Variants in ZNF891 observed in about 807,000 individuals in gnomAD.
ZNF891 encodes the protein zinc finger protein 891.
For missense variants in ZNF891, 589 were observed against 632.7 expected (o/e 0.93, Z 0.74); for synonymous variants, 199 against 209.0 (o/e 0.95, Z 0.41).
chr12:133,105,757 C>T lies in ZNF891; in HGVS notation c.*14527G>A. The T allele has an allele frequency of 1.2e-6, 2 of 1,614,140 alleles. No homozygotes were observed. Among genetic ancestry groups the T allele is most frequent in the Non-Finnish European group, 1.7e-6 (2 of 1,180,042 alleles). ...TGAATATCAGTACTGTGGAGAGGCC[C>T]TATGGATGCCATGAATGTGGAAAAA... is the stretch of plus-strand genomic sequence containing the variant. On this transcript the variant is annotated 3_prime_UTR_variant, in exon 2 of 2. Transcript: ENST00000537226.
At position 133,118,843 on chromosome 12, in the gene ZNF891, A is replaced by G. The variant is rs1175193142; in HGVS notation, c.*1441T>C. On this transcript the variant is annotated 3_prime_UTR_variant, in exon 2 of 2. Coordinates refer to ENST00000537226, the MANE Select transcript of ZNF891 (RefSeq NM_001277291.2). ...GTTCCTCTTCAAATGTGTACATCCA[A>G]CATAAAACATTTAACTGTATATACT... is the stretch of plus-strand genomic sequence containing the variant. 1.3e-5 allele frequency: 2 copies of G among 152,172 alleles called. No homozygotes were observed. The highest frequency in any genetic ancestry group is 2.9e-5 in the Non-Finnish European group (2 of 68,032). 9.4% of individuals were successfully genotyped at this position (152,172 alleles called of 1,614,324 possible).
chr12:133,106,307 C>T lies in ZNF891; in HGVS notation c.*13977G>A. 6.2e-7 allele frequency: 1 copy of T among 1,614,160 alleles called. No individual in the cohort carries two copies. On this transcript the variant is annotated 3_prime_UTR_variant, in exon 2 of 2. Coordinates refer to ENST00000537226, the MANE Select transcript of ZNF891 (RefSeq NM_001277291.2). ...GAAAGCTTTCCGTTGTCACTCATTC[C>T]TTATTAAACATCAGAGAATTCATGC... is the stretch of plus-strand genomic sequence containing the variant.
rs983348890 is a variant in ZNF891 at position 133,113,904 on chromosome 12, G to A, written c.*6380C>T. ...TGGGTAATTTTTTTTTTTTGGTAGAGATGGGGTTTTGCCATGTTGCCTAGG... is the reference window on the plus strand; with the variant it reads ...TGGGTAATTTTTTTTTTTTGGTAGAAATGGGGTTTTGCCATGTTGCCTAGG... On this transcript the variant is annotated 3_prime_UTR_variant, in exon 2 of 2. Coordinates refer to ENST00000537226, the MANE Select transcript of ZNF891 (RefSeq NM_001277291.2). 2.6e-5 allele frequency: 4 copies of A among 151,690 alleles called. No homozygotes were observed. The highest frequency in any genetic ancestry group is 7.3e-5 in the African/African-American group (3 of 41,260). The allele number at this position is 151,690 out of a possible 1,614,324, so 9.4% of individuals were successfully genotyped here.
In ZNF891 at chr12:133,110,423, C is replaced by T. The variant is rs189966998; in HGVS notation, c.*9861G>A. 1 of 152,194 alleles carries T rather than the reference C, an allele frequency of 6.6e-6. No individual in the cohort carries two copies. Among genetic ancestry groups the T allele is most frequent in the Non-Finnish European group, 1.5e-5 (1 of 68,034 alleles). The allele number at this position is 152,194 out of a possible 1,614,324, so 9.4% of individuals were successfully genotyped here. On this transcript the variant is annotated 3_prime_UTR_variant, in exon 2 of 2. Transcript: ENST00000537226. The stretch of plus-strand genomic sequence containing the variant: ...CTCCCAAAAGGTTATTAAAACTAAT[C>T]TTCAGCATTGGAAAAAGAAGTTACT...
chr12:133,106,319 C>G lies in ZNF891; in HGVS notation c.*13965G>C, dbSNP rs1482624430. ...TTGTCACTCATTCCTTATTAAACAT[C>G]AGAGAATTCATGCTGGAGAAAAGCT... is the stretch of plus-strand genomic sequence containing the variant. On this transcript the variant is annotated 3_prime_UTR_variant, in exon 2 of 2. Coordinates refer to ENST00000537226, the MANE Select transcript of ZNF891 (RefSeq NM_001277291.2). 2 of 1,614,158 alleles carry G rather than the reference C, an allele frequency of 1.2e-6. No homozygotes were observed. The highest frequency in any genetic ancestry group is 1.7e-5 in the Admixed American group (1 of 60,020).
At position 133,105,378 on chromosome 12, in the gene ZNF891, A is replaced by G. The variant is rs1955554312; in HGVS notation, c.*14906T>C. On this transcript the variant is annotated 3_prime_UTR_variant, in exon 2 of 2. Coordinates refer to ENST00000537226, the MANE Select transcript of ZNF891 (RefSeq NM_001277291.2). ...GTTCTGGGCATACTACTCAGATTTC[A>G]GTCACAGCTGTGAAAGCTGCTATTG... The G allele has an allele frequency of 2.3e-6, 2 of 873,354 alleles. No individual in the cohort carries two copies. Among genetic ancestry groups the G allele is most frequent in the Non-Finnish European group, 1.7e-6 (1 of 584,538 alleles). 54.1% of individuals were successfully genotyped at this position (873,354 alleles called of 1,614,324 possible).
intron 1 of ZNF891, 197 bp from the exon 2 acceptor site, chr12:133,122,221 C>CT: frequency 9.4e-7 from 1 of 1,060,330 alleles, no homozygotes; most frequent in Non-Finnish European, 1.1e-6. Context: ...CATCCTGATT[C>CT]TTTGTACTGG....
At position 133,114,083 on chromosome 12, in the gene ZNF891, T is replaced by C. The variant is rs917466617; in HGVS notation, c.*6201A>G. On this transcript the variant is annotated 3_prime_UTR_variant, in exon 2 of 2. Transcript: ENST00000537226. ...AGCAAGTATACGACACACCCACCAATACTTGGTCAACTCATCCCTTTTCAT... is the reference window on the plus strand; with the variant it reads ...AGCAAGTATACGACACACCCACCAACACTTGGTCAACTCATCCCTTTTCAT... 6.6e-6 allele frequency: 1 copy of C among 152,124 alleles called. No homozygotes were observed. Among genetic ancestry groups the C allele is most frequent in the Non-Finnish European group, 1.5e-5 (1 of 68,018 alleles). The allele number at this position is 152,124 out of a possible 1,614,324, so 9.4% of individuals were successfully genotyped here. A position where few individuals can be genotyped will look rare whatever the true frequency, so the allele number is the denominator to read the frequency against.
Position 133,116,208 on chromosome 12 carries a change from C to T in ZNF891, c.*4076G>A, listed in dbSNP as rs965907423. 2 of 152,284 alleles carry T rather than the reference C, an allele frequency of 1.3e-5. No individual in the cohort carries two copies. Among genetic ancestry groups the T allele is most frequent in the African/African-American group, 4.8e-5 (2 of 41,430 alleles). 9.4% of individuals were successfully genotyped at this position (152,284 alleles called of 1,614,324 possible). ...CAACCTCTGCCTCCCGGGTTCACAG[C>T]ATTCTCCTGCCTCAGCCTCCCGAGT... On this transcript the variant is annotated 3_prime_UTR_variant, in exon 2 of 2. Transcript: ENST00000537226.
intron 1 of ZNF891, among the ~76,000 whole-genome samples, chr12:133,128,596 T>G (rs1955840942): frequency 6.6e-6 from 1 of 152,154 alleles, no homozygotes; most frequent in Admixed American, 6.5e-5. Context: ...ATCCTGCCAT[T>G]GCATTCCCGC....
chr12:133,117,559 T>G lies in ZNF891; in HGVS notation c.*2725A>C, dbSNP rs1354671202. The G allele has an allele frequency of 6.6e-6, 1 of 152,174 alleles. No homozygotes were observed. Among genetic ancestry groups the G allele is most frequent in the Non-Finnish European group, 1.5e-5 (1 of 68,026 alleles). The allele number at this position is 152,174 out of a possible 1,614,324, so 9.4% of individuals were successfully genotyped here. On this transcript the variant is annotated 3_prime_UTR_variant, in exon 2 of 2. Coordinates refer to ENST00000537226, the MANE Select transcript of ZNF891 (RefSeq NM_001277291.2). Reference sequence around the variant, plus strand: ...TGGCAAACACCAATACTTTTGTTTGTGCTCTAAACATCTACACCCCATTCT... The same window carrying G: ...TGGCAAACACCAATACTTTTGTTTGGGCTCTAAACATCTACACCCCATTCT...
Position 133,121,931 on chromosome 12 carries a change from T to G in ZNF891, c.-13A>C, listed in dbSNP as rs943543189. ...CCATAACTGCCATTTTATGAGTACATAAGCCTGCACAGTAGAGTAGAGAGA... is the reference window on the plus strand; with the variant it reads ...CCATAACTGCCATTTTATGAGTACAGAAGCCTGCACAGTAGAGTAGAGAGA... On this transcript the variant is annotated 5_prime_UTR_variant, in exon 2 of 2. The change abolishes an upstream ATG in the 5' untranslated region. Coordinates refer to ENST00000537226, the MANE Select transcript of ZNF891 (RefSeq NM_001277291.2). The G allele has an allele frequency of 5.2e-6, 8 of 1,525,470 alleles. No homozygotes were observed. In the African/African-American group the frequency reaches 9.6e-5, roughly 18 times the overall value. The allele number at this position is 1,525,470 out of a possible 1,614,324, so 94.5% of individuals were successfully genotyped here.
rs1955677273 is a variant in ZNF891, at chr12:133,110,761, C to G, written c.*9523G>C. The G allele has an allele frequency of 6.6e-6, 1 of 152,096 alleles. No individual in the cohort carries two copies. The highest frequency in any genetic ancestry group is 1.9e-4 in the East Asian group (1 of 5,196). 9.4% of individuals were successfully genotyped at this position (152,096 alleles called of 1,614,324 possible). ...GGTCAAGAGTTTAAAATCAGCCTGGCCAACATGGTGAAACCCCATTGCTAC... is the reference window on the plus strand; with the variant it reads ...GGTCAAGAGTTTAAAATCAGCCTGGGCAACATGGTGAAACCCCATTGCTAC... On this transcript the variant is annotated 3_prime_UTR_variant, in exon 2 of 2. Transcript: ENST00000537226.
Position 133,116,717 on chromosome 12 carries a change from T to C in ZNF891, c.*3567A>G, listed in dbSNP as rs1030607868. On this transcript the variant is annotated 3_prime_UTR_variant, in exon 2 of 2. Coordinates refer to ENST00000537226, the MANE Select transcript of ZNF891 (RefSeq NM_001277291.2). ...AACCCCTGCCCTTCTGGAGACTCTTTCATGGTGCCCTCTGAGATTCCCTTA... is the reference window on the plus strand; with the variant it reads ...AACCCCTGCCCTTCTGGAGACTCTTCCATGGTGCCCTCTGAGATTCCCTTA... 6.6e-6 allele frequency: 1 copy of C among 152,284 alleles called. No individual in the cohort carries two copies. The highest frequency in any genetic ancestry group is 1.5e-5 in the Non-Finnish European group (1 of 68,098). The allele number at this position is 152,284 out of a possible 1,614,324, so 9.4% of individuals were successfully genotyped here.
rs1294777263 is a variant in ZNF891 at position 133,117,892 on chromosome 12, G to A, written c.*2392C>T. 6.6e-6 allele frequency: 1 copy of A among 150,430 alleles called. No homozygotes were observed. The highest frequency in any genetic ancestry group is 1.5e-5 in the Non-Finnish European group (1 of 67,832). The allele number at this position is 150,430 out of a possible 1,614,324, so 9.3% of individuals were successfully genotyped here. A position where few individuals can be genotyped will look rare whatever the true frequency, so the allele number is the denominator to read the frequency against. Reference sequence around the variant, plus strand: ...TTGGCTGTATATGTTTACCTTTTTAGACTTCATCTAATTGGATCCCTAAGT... The same window carrying A: ...TTGGCTGTATATGTTTACCTTTTTAAACTTCATCTAATTGGATCCCTAAGT... On this transcript the variant is annotated 3_prime_UTR_variant, in exon 2 of 2. Coordinates refer to ENST00000537226, the MANE Select transcript of ZNF891 (RefSeq NM_001277291.2).
rs1955546275 is a variant in ZNF891, at chr12:133,105,220, G to A, written c.*15064C>T. ...TGGCAGTAAATACCGTTTAAATGGT[G>A]GTGAAGAAGACTAGCAACCTATCCT... On this transcript the variant is annotated 3_prime_UTR_variant, in exon 2 of 2. Coordinates refer to ENST00000537226, the MANE Select transcript of ZNF891 (RefSeq NM_001277291.2). 6.6e-6 allele frequency among the ~76,000 whole-genome samples: 1 copy of A among 152,118 alleles called. No individual in the cohort carries two copies. The highest frequency in any genetic ancestry group is 2.4e-5 in the African/African-American group (1 of 41,406).
rs1414394174 is a variant in ZNF891 at position 133,120,635 on chromosome 12, T to C, written c.1284A>G (p.Gly428=). 1.3e-6 allele frequency: 2 copies of C among 1,559,818 alleles called. No individual in the cohort carries two copies. Among genetic ancestry groups the C allele is most frequent in the Non-Finnish European group, 1.7e-6 (2 of 1,153,018 alleles). The change falls in exon 2 of 2, where the codon GGA becomes GGG. Residue 428 remains glycine, a synonymous_variant. Transcript: ENST00000537226. ...YLIVHKRIHT[G]EKLYECSECG... is the part of the protein sequence containing the mutation. ...ACTCACTGCATTCATAGAGTTTTTC[T>C]CCAGTGTGTATTCTCTTGTGCACTA...
In ZNF891 at chr12:133,117,426, C is replaced by G. The variant is rs1955721483; in HGVS notation, c.*2858G>C. 1 of 152,218 alleles carries G rather than the reference C, an allele frequency of 6.6e-6. No homozygotes were observed. Among genetic ancestry groups the G allele is most frequent in the Admixed American group, 6.5e-5 (1 of 15,288 alleles). 9.4% of individuals were successfully genotyped at this position (152,218 alleles called of 1,614,324 possible). A position where few individuals can be genotyped will look rare whatever the true frequency, so the allele number is the denominator to read the frequency against. On this transcript the variant is annotated 3_prime_UTR_variant, in exon 2 of 2. Transcript: ENST00000537226. ...CAAAACATTATATAGTTCACATATT[C>G]TGATCACTGCTTAGTACAGTTAGGT...
rs1468275558 is a variant in ZNF891 at position 133,111,930 on chromosome 12, T to C, written c.*8354A>G. 2.6e-5 allele frequency: 4 copies of C among 152,212 alleles called. No homozygotes were observed. Among genetic ancestry groups the C allele is most frequent in the Non-Finnish European group, 5.9e-5 (4 of 68,038 alleles). 9.4% of individuals were successfully genotyped at this position (152,212 alleles called of 1,614,324 possible). On this transcript the variant is annotated 3_prime_UTR_variant, in exon 2 of 2. Transcript: ENST00000537226. Reference sequence around the variant, plus strand: ...CATACATGAACTATTGCAAATAGCTTCCTAGTCTCTCAAGATTTTTTTATA... The same window carrying C: ...CATACATGAACTATTGCAAATAGCTCCCTAGTCTCTCAAGATTTTTTTATA...
Sources: gnomAD v4.1 joint callset for allele counts (sites outside exome capture counted in the v4.1 genomes callset) on GRCh38, gnomAD v4.1.1 for gene constraint, MANE v1.5 for transcripts, NCBI Gene and HGNC (gene_info 2026-07-23, HGNC 2026-07-21) for gene names.